The following BRCA2 variants were observed in gnomAD, a reference collection of about 807,000 sequenced individuals.
BRCA2 encodes breast cancer type 2 susceptibility protein.
Under a neutral mutation model 276.7 loss-of-function variants are expected in BRCA2, and 203 were observed. The ratio of observed to expected loss-of-function variants is 0.73; its 90% CI spans 0.65 to 0.82. The LOEUF (loss-of-function observed/expected upper bound fraction) is 0.82, where lower values mean the gene tolerates loss of function less well. Among genes scored for constraint, BRCA2 ranks in the 40% least tolerant of loss-of-function variants. BRCA2 has a pLI of 0.00. For missense variants in BRCA2, 3,920 were observed against 3,915.0 expected, an observed-to-expected ratio of 1.00 and a Z score of -0.03; for synonymous variants, 1,289 against 1,338.4, an observed-to-expected ratio of 0.96 and a Z score of 0.81.
chr13:32,388,896 G>A (rs1209438589), intron 24 of BRCA2, among the ~76,000 whole-genome samples: 1 of 152,160 alleles, frequency 6.6e-6, no homozygotes, highest in Non-Finnish European at 1.5e-5. Context: ...CACTTACAAT[G>A]AAGGTAATTA....
rs863224314 is a variant in BRCA2, at chr13:32,370,976, T to C, written c.8508T>C (p.Ser2836=). The change falls in exon 20 of 27, where the codon TCT becomes TCC. Residue 2836 remains serine, a synonymous_variant. Transcript: ENST00000380152. The stretch of plus-strand genomic sequence containing the variant: ...TACAGTGGATGGAGAAGACATCATC[T>C]GGATTATACATATTTCGCAATGAAA... ...YPIQWMEKTS[S]GLYIFRNERE... 2 of 1,614,102 alleles carry C rather than the reference T, an allele frequency of 1.2e-6. No homozygotes were observed. Among genetic ancestry groups the C allele is most frequent in the Admixed American group, 1.7e-5 (1 of 60,022 alleles).
chr13:32,367,830 G>GA (rs781332467), intron 18 of BRCA2, among the ~76,000 whole-genome samples: 13 of 151,660 alleles, frequency 8.6e-5, no homozygotes, highest in Middle Eastern at 3.4e-3. Flanking sequence ...GGTAAAAGGA[G>GA]AAAAAAATCA....
intron 12 of BRCA2, among the ~76,000 whole-genome samples, chr13:32,345,293 G>A (rs1044414809): frequency 6.6e-6 from 1 of 152,038 alleles, no homozygotes; most frequent in Non-Finnish European, 1.5e-5. Context: ...TCATTTAAGT[G>A]TGTTTTCTTG....
chr13:32,330,034 G>A (rs551086479), intron 8 of BRCA2, among the ~76,000 whole-genome samples: 2 of 152,254 alleles, frequency 1.3e-5, no homozygotes, highest in African/African-American at 2.4e-5. Context: ...GGCCTCTCCA[G>A]TAATTTTTAT....
At chr13:32,390,624 A>T (rs986208430) in intron 24 of BRCA2, among the ~76,000 whole-genome samples, 10 of 152,052 alleles carry the variant, frequency 6.6e-5, no homozygotes, top group African/African-American at 2.4e-4. Flanking sequence ...TTACCTCCCT[A>T]GTCAGATGCT....
chr13:32,334,137 G>A (rs542204847), intron 10 of BRCA2, among the ~76,000 whole-genome samples: 15 of 152,188 alleles, frequency 9.9e-5, no homozygotes, highest in African/African-American at 1.4e-4. Context: ...TATATACCCC[G>A]TAATGGGATT....
chr13:32,336,751 A>G lies in BRCA2; in HGVS notation c.2396A>G (p.Lys799Arg), dbSNP rs1555282656. 2.5e-6 allele frequency: 4 copies of G among 1,613,706 alleles called. No individual in the cohort carries two copies. The highest frequency in any genetic ancestry group is 2.2e-5 in the East Asian group (1 of 44,862). The change falls in exon 11 of 27, where the codon AAA becomes AGA. Residue 799 changes from lysine (K) to arginine (R), a missense_variant. Physicochemically the swap from Lys to Arg is conservative, Grantham distance 26. Transcript: ENST00000380152. ...TCATACAAAATGTCAGACAAGCTCA[A>G]AGGTAACAATTATGAATCTGATGTT... ...KESYKMSDKL[K>R]GNNYESDVEL... is the part of the protein sequence containing the mutation.
chr13:32,327,727 G>A (rs1272293226), intron 7 of BRCA2, among the ~76,000 whole-genome samples: 1 of 149,694 alleles, frequency 6.7e-6, no homozygotes, highest in East Asian at 2.0e-4. Flanking sequence ...GAGTAGCTGA[G>A]ATTTGGCTAA....
intron 3 of BRCA2, among the ~76,000 whole-genome samples, chr13:32,320,964 C>G (rs2072302396): frequency 6.6e-6 from 1 of 152,122 alleles, no homozygotes; most frequent in Non-Finnish European, 1.5e-5. Context: ...CATGAGTCTA[C>G]ATTTTAAACT....
Position 32,337,102 on chromosome 13 carries a change from G to C in BRCA2, c.2747G>C (p.Cys916Ser). 6.2e-7 allele frequency: 1 copy of C among 1,613,708 alleles called. No individual in the cohort carries two copies. Among genetic ancestry groups the C allele is most frequent in the Non-Finnish European group, 8.5e-7 (1 of 1,179,880 alleles). ...GAACTTCATGAAACAGACTTGACTTGTGTAAACGAACCCATTTTCAAGAAC... is the reference window on the plus strand; with the variant it reads ...GAACTTCATGAAACAGACTTGACTTCTGTAAACGAACCCATTTTCAAGAAC... ...TKELHETDLT[C>S]VNEPIFKNST... The change falls in exon 11 of 27, where the codon TGT becomes TCT. Residue 916 changes from cysteine (C) to serine (S), a missense_variant. This residue lies in a region of BRCA2 where 3,263 missense variants were observed against 3,156.9 expected (regional missense o/e 1.03). Coordinates refer to ENST00000380152, the MANE Select transcript of BRCA2 (RefSeq NM_000059.4).
chr13:32,394,662 C>CAT lies in BRCA2; in HGVS notation c.9257-26_9257-25dup, dbSNP rs781311011. On this transcript the variant is annotated intron_variant, in intron 24 of 26. Coordinates refer to ENST00000380152, the MANE Select transcript of BRCA2 (RefSeq NM_000059.4). The stretch of plus-strand genomic sequence containing the variant: ...AATTCATCTAACACATCTATAATAA[C>CAT]ATTCTTTTCTTTTTTTTCCATTCTA... 2.5e-6 allele frequency: 4 copies of CAT among 1,605,318 alleles called. No individual in the cohort carries two copies. The South Asian group carries it at 4.4e-5, about 18-fold the overall frequency.
chr13:32,339,575 AAGTAAC>A lies in BRCA2; in HGVS notation c.5225_5230del (p.Asn1742_Ser1743del), dbSNP rs276174855. ...TCTCCGAAAAACAAGATACTTATTT[AAGTAAC>A]AGTAGCATGTCTAACAGCTATTCCT... On this transcript the variant is annotated inframe_deletion, in exon 11 of 27. Coordinates refer to ENST00000380152, the MANE Select transcript of BRCA2 (RefSeq NM_000059.4). 4 of 1,609,568 alleles carry A rather than the reference AAGTAAC, an allele frequency of 2.5e-6. No homozygotes were observed. Among genetic ancestry groups the A allele is most frequent in the Non-Finnish European group, 3.4e-6 (4 of 1,176,940 alleles).
chr13:32,324,611 G>A (rs555132697), intron 3 of BRCA2, among the ~76,000 whole-genome samples: 2 of 152,286 alleles, frequency 1.3e-5, no homozygotes, highest in African/African-American at 4.8e-5. Flanking sequence ...TTCAGTAAAT[G>A]TCTTCCCTTA....
intron 16 of BRCA2, among the ~76,000 whole-genome samples, chr13:32,359,222 GAAAAAAA>G (rs67041705): frequency 2.6e-4 from 28 of 107,380 alleles, no homozygotes; most frequent in Middle Eastern, 5.5e-3. Context: ...TCCATCTCAA[GAAAAAAA>G]AAAAAAAAAA....
rs867236058 is a variant in BRCA2, at chr13:32,372,883, A to G, written c.8632+1783A>G. Among the ~76,000 whole-genome samples the G allele has an allele frequency of 6.6e-5, 10 of 152,262 alleles. No homozygotes were observed. The South Asian group carries it at 1.2e-3, about 19-fold the overall frequency. On this transcript the variant is annotated intron_variant, in intron 20 of 26. Transcript: ENST00000380152. Reference sequence around the variant, plus strand: ...GCAAATTCTTTACTTCCAAGATACAATGGGGGTACAGGCATTGGGTAAATG... The same window carrying G: ...GCAAATTCTTTACTTCCAAGATACAGTGGGGGTACAGGCATTGGGTAAATG...
chr13:32,319,011 A>C, intron 2 of BRCA2, 66 bp from the exon 3 acceptor site: 2 of 1,587,986 alleles, frequency 1.3e-6, no homozygotes, highest in South Asian at 1.2e-5. Flanking sequence ...ATGATCTTTA[A>C]CTGTTCTGGG....
intron 24 of BRCA2, among the ~76,000 whole-genome samples, chr13:32,382,831 C>T (rs2072933038): frequency 6.6e-6 from 1 of 152,166 alleles, no homozygotes; most frequent in South Asian, 2.1e-4. Context: ...AAAACAGGAA[C>T]AGCTGTGGGG....
Position 32,336,618 on chromosome 13 carries a change from T to A in BRCA2, c.2263T>A (p.Ser755Thr). 1 of 1,614,044 alleles carries A rather than the reference T, an allele frequency of 6.2e-7. No individual in the cohort carries two copies. The highest frequency in any genetic ancestry group is 8.5e-7 in the Non-Finnish European group (1 of 1,179,970). ...GGAATACAGTGATACTGACTTTCAA[T>A]CCCAGAAAAGTCTTTTATATGATCA... Reference protein sequence around the residue: ...KVEYSDTDFQSQKSLLYDHEN... With the variant: ...KVEYSDTDFQTQKSLLYDHEN... Residue 755 changes from serine to threonine, a missense_variant, in exon 11 of 27, where the codon TCC becomes ACC. Around this residue, in one of 2 missense-constraint regions of BRCA2, gnomAD observed 3,263 missense variants for 3,156.9 expected, o/e 1.03. Transcript: ENST00000380152.
rs80358504 is a variant in BRCA2 at position 32,336,764 on chromosome 13, T to G, written c.2409T>G (p.Tyr803Ter). The G allele has an allele frequency of 3.1e-6, 5 of 1,612,506 alleles. No homozygotes were observed. The highest frequency in any genetic ancestry group is 4.2e-6 in the Non-Finnish European group (5 of 1,179,412). Reference protein sequence around the residue: ...KMSDKLKGNNYESDVELTKNI... With the variant: ...KMSDKLKGNN ...CAGACAAGCTCAAAGGTAACAATTATGAATCTGATGTTGAATTAACCAAAA... is the reference window on the plus strand; with the variant it reads ...CAGACAAGCTCAAAGGTAACAATTAGGAATCTGATGTTGAATTAACCAAAA... Residue 803 changes from tyrosine (Y) to a stop codon, truncating the protein, a stop_gained, in exon 11 of 27, where the codon TAT becomes TAG. Coordinates refer to ENST00000380152, the MANE Select transcript of BRCA2 (RefSeq NM_000059.4). LOFTEE classifies it high-confidence loss of function.
Sources: allele counts gnomAD v4.1 joint callset (sites outside exome capture counted in the v4.1 genomes callset), GRCh38; gene constraint gnomAD v4.1.1; regional missense constraint gnomAD v4.1.1; transcripts MANE v1.5; gene names NCBI Gene and HGNC (gene_info 2026-07-23, HGNC 2026-07-21).